Variants in ANKFN1 observed in about 807,000 individuals in gnomAD.
ANKFN1 encodes ankyrin repeat and fibronectin type-III domain-containing protein 1.
ANKFN1 carries 74 observed loss-of-function variants against 108.7 expected under a neutral mutation model. The observed-to-expected ratio is 0.68, with a 90% CI of 0.56 to 0.83. The LOEUF (loss-of-function observed/expected upper bound fraction) is 0.83. ANKFN1 is among the 40% of genes least tolerant of loss of function. ANKFN1 has a pLI of 0.00. For missense variants in ANKFN1, 1,505 were observed against 1,382.3 expected (o/e 1.09, Z -1.41); for synonymous variants, 547 against 516.2 (o/e 1.06, Z -0.81).
chr17:56,374,237 T>C (rs966207740), intron 7 of ANKFN1, among the ~76,000 whole-genome samples: 1 of 152,166 alleles, frequency 6.6e-6, no homozygotes, highest in Non-Finnish European at 1.5e-5. Context: ...AAGCCTCCAG[T>C]GAAACGATGT....
intron 3 of ANKFN1, among the ~76,000 whole-genome samples, chr17:56,283,730 A>C (rs1271516375): frequency 6.6e-6 from 1 of 151,432 alleles, no homozygotes; most frequent in Non-Finnish European, 1.5e-5. Context: ...GACTTGGGAG[A>C]CCTCAGGGGA....
chr17:56,268,708 T>C (rs1419596241), intron 3 of ANKFN1, among the ~76,000 whole-genome samples: 1 of 152,138 alleles, frequency 6.6e-6, no homozygotes, highest in Non-Finnish European at 1.5e-5. Context: ...GTTTTTTTTT[T>C]TCCAAATACA....
At position 56,212,853 on chromosome 17, in the gene ANKFN1, A is replaced by G. The variant is rs1316242115; in HGVS notation, c.12+174A>G. Among the ~76,000 whole-genome samples, 3 of 152,096 alleles carry G rather than the reference A, an allele frequency of 2.0e-5. No individual in the cohort carries two copies. In the East Asian group the frequency reaches 5.8e-4, roughly 29 times the overall value. ...GAATTTAGCTGGTGTTTTTTTTGCT[A>G]CTTGGTCCAAATAACACAACGTTGG... is the stretch of plus-strand genomic sequence containing the variant. On this transcript the variant is annotated intron_variant, in intron 2 of 20. Coordinates refer to ENST00000682825, the MANE Select transcript of ANKFN1 (RefSeq NM_001370326.1).
At chr17:56,399,428 C>T (rs1052559193) in intron 8 of ANKFN1, among the ~76,000 whole-genome samples, 5 of 151,628 alleles carry the variant, frequency 3.3e-5, no homozygotes, top group African/African-American at 7.3e-5. Context: ...GACACAGGCT[C>T]ATTTTTTTTT....
intron 4 of ANKFN1, among the ~76,000 whole-genome samples, chr17:56,091,908 T>A (rs1905427941): frequency 6.6e-6 from 1 of 151,086 alleles, no homozygotes; most frequent in African/African-American, 2.4e-5. Context: ...ACAGGGAGAG[T>A]ATCATTTCCC....
At chr17:56,459,047 TG>T (rs2049810501) in intron 14 of ANKFN1, among the ~76,000 whole-genome samples, 1 of 152,236 alleles carries the variant, frequency 6.6e-6, no homozygotes, top group Non-Finnish European at 1.5e-5. Flanking sequence ...GGTAGCTTGC[TG>T]TTTTGTATGC....
intron 3 of ANKFN1, among the ~76,000 whole-genome samples, chr17:56,277,637 A>G (rs2043968975): frequency 6.6e-6 from 1 of 152,176 alleles, no homozygotes; most frequent in East Asian, 1.9e-4. Context: ...AAATGTCAGG[A>G]CCAGAATCAA....
At chr17:56,438,768 A>AG (rs1367126477) in intron 8 of ANKFN1, among the ~76,000 whole-genome samples, 3 of 152,242 alleles carry the variant, frequency 2.0e-5, no homozygotes, top group South Asian at 4.2e-4. Context: ...TTCGAGCTCA[A>AG]GGGGGAGGCT....
At chr17:56,223,311 G>A (rs1916015432) in intron 2 of ANKFN1, among the ~76,000 whole-genome samples, 1 of 152,138 alleles carries the variant, frequency 6.6e-6, no homozygotes, top group Non-Finnish European at 1.5e-5. Context: ...AATCTGTGCA[G>A]TTCTGAGTTC....
At chr17:56,056,532 C>G (rs1447903159) in intron 4 of ANKFN1, among the ~76,000 whole-genome samples, 2 of 152,136 alleles carry the variant, frequency 1.3e-5, no homozygotes, top group Non-Finnish European at 2.9e-5. Flanking sequence ...TGCCTACAAT[C>G]AACTGATCTT....
At chr17:56,451,942 A>G (rs2049504424) in intron 11 of ANKFN1, among the ~76,000 whole-genome samples, 1 of 152,208 alleles carries the variant, frequency 6.6e-6, no homozygotes, top group South Asian at 2.1e-4. Flanking sequence ...AGGTACCAAC[A>G]TCTACATTAA....
intron 3 of ANKFN1, among the ~76,000 whole-genome samples, chr17:56,234,376 G>T (rs577061932): frequency 6.6e-6 from 1 of 151,732 alleles, no homozygotes; most frequent in African/African-American, 2.4e-5. Context: ...TAGGTTAACA[G>T]GTACATGTGC....
intron 3 of ANKFN1, among the ~76,000 whole-genome samples, chr17:56,288,054 C>A (rs904355315): frequency 1.4e-5 from 2 of 147,478 alleles, no homozygotes; most frequent in Non-Finnish European, 3.0e-5. Context: ...AAAGGCCCTG[C>A]ATTTTTTTTT....
chr17:56,190,635 A>T, intron 1 of ANKFN1, among the ~76,000 whole-genome samples: 1 of 80,060 alleles, frequency 1.2e-5, no homozygotes. Flanking sequence ...ACTTCCAAGT[A>T]TGTGGTCAAT....
intron 8 of ANKFN1, among the ~76,000 whole-genome samples, chr17:56,376,310 T>G (rs1457553771): frequency 6.6e-6 from 1 of 152,208 alleles, no homozygotes; most frequent in Non-Finnish European, 1.5e-5. Flanking sequence ...TAAGACAGCA[T>G]TGAATTGATT....
Position 56,163,523 on chromosome 17 carries a change from G to A in ANKFN1, c.-71+9993G>A, listed in dbSNP as rs527599238. ...ATTTTCTCAGCACACATACCTGTGG[G>A]CTTCTTCCATGACCCATGCCGACTT... is the stretch of plus-strand genomic sequence containing the variant. On this transcript the variant is annotated intron_variant, in intron 1 of 20. Transcript: ENST00000682825. Among the ~76,000 whole-genome samples the A allele has an allele frequency of 3.3e-5, 5 of 152,308 alleles. No homozygotes were observed. The East Asian group carries it at 9.6e-4, about 29-fold the overall frequency.
intron 8 of ANKFN1, among the ~76,000 whole-genome samples, chr17:56,414,567 C>G (rs2145012497): frequency 6.6e-6 from 1 of 152,070 alleles, no homozygotes; most frequent in South Asian, 2.1e-4. Context: ...AGGATTTATC[C>G]CAGGGATGTG....
intron 3 of ANKFN1, among the ~76,000 whole-genome samples, chr17:56,253,157 G>A (rs1201851359): frequency 6.6e-6 from 1 of 152,070 alleles, no homozygotes; most frequent in Non-Finnish European, 1.5e-5. Context: ...TAAATGCACT[G>A]AAAAAGTTCT....
intron 3 of ANKFN1, among the ~76,000 whole-genome samples, chr17:56,309,633 G>A (rs1396506907): frequency 6.6e-6 from 1 of 151,754 alleles, no homozygotes; most frequent in African/African-American, 2.4e-5. Flanking sequence ...TCATCCACAG[G>A]GGATACATCC....
Sources: gnomAD v4.1 joint callset for allele counts (sites outside exome capture counted in the v4.1 genomes callset) on GRCh38, gnomAD v4.1.1 for gene constraint, MANE v1.5 for transcripts, NCBI Gene and HGNC (gene_info 2026-07-23, HGNC 2026-07-21) for gene names.